TENM2: variants seen among roughly 807,000 people sequenced by gnomAD.
TENM2 encodes teneurin transmembrane protein 2.
In TENM2, 52 loss-of-function variants were observed where a neutral mutation model predicts 245.2. That is an observed-to-expected ratio of 0.21 (90% CI 0.17 to 0.27). The LOEUF (loss-of-function observed/expected upper bound fraction) is 0.27. Ranked by LOEUF, TENM2 falls within the 10% of genes least tolerant of loss-of-function variation. The pLI, the probability that TENM2 is intolerant of heterozygous loss-of-function variation, is 1.00. For synonymous variants in TENM2, 1,363 were observed against 1,438.9 expected, an observed-to-expected ratio of 0.95 and a Z score of 1.19; for missense variants, 3,046 against 3,666.8, an observed-to-expected ratio of 0.83 and a Z score of 4.37.
intron 1 of TENM2, among the ~76,000 whole-genome samples, chr5:167,337,048 C>T (rs1223731390): frequency 7.7e-6 from 1 of 129,458 alleles, no homozygotes; most frequent in African/African-American, 2.9e-5. Flanking sequence ...ACCCGGGAAG[C>T]GGAGCTTGCA....
intron 1 of TENM2, among the ~76,000 whole-genome samples, chr5:167,337,073 C>T (rs1438893883): frequency 3.9e-5 from 5 of 128,830 alleles, no homozygotes; most frequent in South Asian, 5.3e-4. Flanking sequence ...GCCGAGATTG[C>T]GCCACTGCAG....
intron 2 of TENM2, among the ~76,000 whole-genome samples, chr5:167,576,385 G>GA (rs1358735024): frequency 1.3e-5 from 2 of 149,834 alleles, no homozygotes; most frequent in African/African-American, 4.9e-5. Flanking sequence ...TAAAAGCCAA[G>GA]AAAAAAGATT....
chr5:167,583,916 A>G (rs1252741521), intron 2 of TENM2, among the ~76,000 whole-genome samples: 2 of 152,262 alleles, frequency 1.3e-5, no homozygotes, highest in African/African-American at 2.4e-5. Flanking sequence ...CTGGCTAAAT[A>G]CTATTCATCT....
At chr5:167,430,429 G>A (rs1024375538) in intron 2 of TENM2, among the ~76,000 whole-genome samples, 6 of 152,110 alleles carry the variant, frequency 3.9e-5, no homozygotes, top group African/African-American at 1.2e-4. Flanking sequence ...AGCCTGGGCC[G>A]TTCATTAGTT....
the TENM2 span, among the ~76,000 whole-genome samples, chr5:166,983,559 T>C: frequency 6.6e-6 from 1 of 152,144 alleles, no homozygotes. Context: ...ACACAGCTAA[T>C]ATGTTAGAAT....
chr5:168,202,531 C>T (rs553240841), intron 17 of TENM2, among the ~76,000 whole-genome samples: 1 of 149,676 alleles, frequency 6.7e-6, no homozygotes, highest in African/African-American at 2.5e-5. Context: ...ATAAAGTAGG[C>T]TGGTGTCATT....
At chr5:167,385,123 A>G (rs1761341761) in intron 2 of TENM2, among the ~76,000 whole-genome samples, 1 of 152,210 alleles carries the variant, frequency 6.6e-6, no homozygotes, top group Admixed American at 6.5e-5. Flanking sequence ...GCACAAGGAA[A>G]GAAGTCATAA....
At chr5:167,746,561 T>A (rs1761577645) in intron 2 of TENM2, among the ~76,000 whole-genome samples, 1 of 152,066 alleles carries the variant, frequency 6.6e-6, no homozygotes, top group African/African-American at 2.4e-5. Context: ...GCACATATAA[T>A]GAGAGCTTCA....
At chr5:168,260,442 A>C in intron 28 of TENM2, 29 bp downstream of exon 30, 1 of 1,611,370 alleles carries the variant, frequency 6.2e-7, no homozygotes, top group Non-Finnish European at 8.5e-7. Flanking sequence ...CAAGAATCCA[A>C]ATGATTGTCA....
intron 3 of TENM2, among the ~76,000 whole-genome samples, chr5:167,931,551 GAAA>G (rs368486009): frequency 1.8e-5 from 2 of 110,330 alleles, no homozygotes; most frequent in Admixed American, 8.9e-5. Context: ...AAACCCATTG[GAAA>G]AAAAAAAAAA....
chr5:167,757,871 C>G (rs1291360411), intron 2 of TENM2, among the ~76,000 whole-genome samples: 1 of 152,106 alleles, frequency 6.6e-6, no homozygotes, highest in Non-Finnish European at 1.5e-5. Flanking sequence ...AGAAAGAGAA[C>G]AAGGGGTTTC....
At chr5:167,987,661 C>T (rs1783352180) in intron 4 of TENM2, among the ~76,000 whole-genome samples, 1 of 152,062 alleles carries the variant, frequency 6.6e-6, no homozygotes, top group African/African-American at 2.4e-5. Context: ...AGACTCCACC[C>T]CATACCTGGA....
chr5:168,025,122 A>C (rs932353244), intron 5 of TENM2, among the ~76,000 whole-genome samples: 1 of 152,226 alleles, frequency 6.6e-6, no homozygotes, highest in African/African-American at 2.4e-5. Context: ...TCAAAGTGTA[A>C]ATTTACCACT....
At chr5:167,516,976 G>T (rs1770424517) in intron 2 of TENM2, among the ~76,000 whole-genome samples, 1 of 152,188 alleles carries the variant, frequency 6.6e-6, no homozygotes, top group African/African-American at 2.4e-5. Flanking sequence ...AGCCAAGTTT[G>T]AATGAATTAT....
chr5:167,906,406 C>G (rs1334700104), intron 3 of TENM2, among the ~76,000 whole-genome samples: 2 of 152,186 alleles, frequency 1.3e-5, no homozygotes, highest in Non-Finnish European at 2.9e-5. Flanking sequence ...CACCAGGGAG[C>G]TGACAATTAG....
chr5:168,141,962 G>A (rs562360627), intron 12 of TENM2, among the ~76,000 whole-genome samples: 1 of 152,326 alleles, frequency 6.6e-6, no homozygotes, highest in African/African-American at 2.4e-5. Context: ...CTCTGTCTTA[G>A]TAGCCTCAGG....
chr5:168,188,830 G>A (rs1760703948), intron 13 of TENM2, among the ~76,000 whole-genome samples: 1 of 152,176 alleles, frequency 6.6e-6, no homozygotes, highest in Admixed American at 6.5e-5. Context: ...CTTCCTGCAG[G>A]ATTCTGATGC....
At chr5:167,354,018 CA>C (rs1458094493) in intron 1 of TENM2, among the ~76,000 whole-genome samples, 1 of 152,156 alleles carries the variant, frequency 6.6e-6, no homozygotes, top group East Asian at 1.9e-4. Context: ...ATAAAGTATA[CA>C]TTCTTGATGA....
At chr5:167,295,418 C>T (rs1028524194) in intron 1 of TENM2, among the ~76,000 whole-genome samples, 1 of 152,154 alleles carries the variant, frequency 6.6e-6, no homozygotes, top group Admixed American at 6.5e-5. Flanking sequence ...GTCTACTCTG[C>T]GGTATGTATA....
Sources: allele counts gnomAD v4.1 joint callset (sites outside exome capture counted in the v4.1 genomes callset), GRCh38; gene constraint gnomAD v4.1.1; transcripts MANE v1.5; gene names NCBI Gene and HGNC (gene_info 2026-07-23, HGNC 2026-07-21).